Variants in MDM1 observed in about 807,000 individuals in gnomAD.
MDM1 encodes stabilizer of axonemal microtubules 6, also known as Mdm1 nuclear protein.
MDM1 carries 61 observed loss-of-function variants against 89.1 expected under a neutral mutation model. The ratio of observed to expected loss-of-function variants is 0.68; its 90% CI spans 0.56 to 0.85. MDM1 has a LOEUF of 0.85. Ranked by LOEUF, MDM1 falls within the 40% of genes least tolerant of loss-of-function variation. MDM1 has a pLI of 0.00. For missense variants in MDM1, 820 were observed against 846.5 expected (o/e 0.97, Z 0.39); for synonymous variants, 290 against 294.1 (o/e 0.99, Z 0.14).
At chr12:68,302,920 T>A (rs778254700) in intron 12 of MDM1, 48 bp from the exon 13 acceptor site, 2 of 1,481,804 alleles carry the variant, frequency 1.3e-6, no homozygotes, top group African/African-American at 1.4e-5. Flanking sequence ...TGTGTAGATA[T>A]GTAAATAAAT....
Position 68,302,594 on chromosome 12 carries a change from C to T in MDM1, c.2002+26G>A, listed in dbSNP as rs551531001. On this transcript the variant is annotated intron_variant, in intron 13 of 14. Coordinates refer to ENST00000682720, the MANE Select transcript of MDM1 (RefSeq NM_001354969.2). ...CAGCATAACACTTTATTTTAAAAGA[C>T]AAAAAATTAAAACCAAAATAATTAC... 20 of 1,587,418 alleles carry T rather than the reference C, an allele frequency of 1.3e-5. No individual in the cohort carries two copies. In the Admixed American group the frequency reaches 2.5e-4, roughly 20 times the overall value.
chr12:68,314,117 A>T (rs1432177448), intron 10 of MDM1, among the ~76,000 whole-genome samples: 1 of 149,528 alleles, frequency 6.7e-6, no homozygotes, highest in African/African-American at 2.5e-5. Flanking sequence ...AGCCTGGGTG[A>T]CAGAGCGAAA....
At chr12:68,314,005 C>T (rs1015520013) in intron 10 of MDM1, among the ~76,000 whole-genome samples, 1 of 151,880 alleles carries the variant, frequency 6.6e-6, no homozygotes, top group Non-Finnish European at 1.5e-5. Context: ...GGTGTGGTGG[C>T]GGGCACCTGT....
rs1410491090 is a variant in MDM1 at position 68,314,830 on chromosome 12, T to TA, written c.1529+117dup. 13 of 897,098 alleles carry TA rather than the reference T, an allele frequency of 1.4e-5. No homozygotes were observed. The African/African-American group carries it at 2.0e-4, about 14-fold the overall frequency. The allele number at this position is 897,098 out of a possible 1,614,324, so 55.6% of individuals were successfully genotyped here. A position where few individuals can be genotyped will look rare whatever the true frequency, so the allele number is the denominator to read the frequency against. On this transcript the variant is annotated intron_variant, in intron 10 of 14. Coordinates refer to ENST00000682720, the MANE Select transcript of MDM1 (RefSeq NM_001354969.2). Reference sequence around the variant, plus strand: ...CAGTGCCTCCTTTGTGACATTGAAATAAAATCTGCAATTTATTAGTCATAA... The same window carrying TA: ...CAGTGCCTCCTTTGTGACATTGAAATAAAAATCTGCAATTTATTAGTCATAA...
chr12:68,303,429 G>A (rs1259347249), intron 12 of MDM1, among the ~76,000 whole-genome samples: 1 of 152,084 alleles, frequency 6.6e-6, no homozygotes, highest in Non-Finnish European at 1.5e-5. Flanking sequence ...TTTCTGGGGG[G>A]CCGGCAAAAC....
intron 12 of MDM1, among the ~76,000 whole-genome samples, chr12:68,306,129 C>CT (rs1296937448): frequency 8.6e-5 from 13 of 152,024 alleles, no homozygotes. Flanking sequence ...GCTATCTGAT[C>CT]TTTAACAAAG....
chr12:68,296,483 C>T (rs943235848), intron 14 of MDM1, among the ~76,000 whole-genome samples: 1 of 152,122 alleles, frequency 6.6e-6, no homozygotes, highest in Non-Finnish European at 1.5e-5. Context: ...GGCGACAGAG[C>T]GAGACTCCGT....
intron 12 of MDM1, among the ~76,000 whole-genome samples, chr12:68,303,318 A>G (rs960726950): frequency 1.3e-5 from 2 of 152,222 alleles, no homozygotes; most frequent in Non-Finnish European, 2.9e-5. Context: ...TTTTTCACGT[A>G]CCAAATTTCA....
At chr12:68,304,472 C>G (rs904281225) in intron 12 of MDM1, among the ~76,000 whole-genome samples, 2 of 152,128 alleles carry the variant, frequency 1.3e-5, no homozygotes, top group African/African-American at 4.8e-5. Context: ...TAGTCTCAAC[C>G]AATAAACATA....
At chr12:68,315,548 C>T (rs1472776993) in intron 9 of MDM1, among the ~76,000 whole-genome samples, 1 of 152,198 alleles carries the variant, frequency 6.6e-6, no homozygotes. Context: ...CAAGTCATAC[C>T]TAGCCCTAAA....
intron 4 of MDM1, 104 bp downstream of exon 4, chr12:68,325,337 A>G: frequency 7.3e-7 from 1 of 1,378,382 alleles, no homozygotes; most frequent in African/African-American, 1.5e-5. Context: ...ACCTACCTCC[A>G]GGCTACTTAA....
In MDM1 at chr12:68,304,092, C is replaced by G. The variant is rs117849181; in HGVS notation, c.1750-1220G>C. ...GCATCACTGCACTCCAGCCAGGAAA[C>G]GGAGAGAGACTGTCTCAAAAAATAA... On this transcript the variant is annotated intron_variant, in intron 12 of 14. Transcript: ENST00000682720. 9.4e-3 allele frequency among the ~76,000 whole-genome samples: 1,431 copies of G among 151,964 alleles called. 16 individuals carry two copies. Among genetic ancestry groups the G allele is most frequent in the Non-Finnish European group, 0.014 (975 of 67,964 alleles).
In MDM1 at chr12:68,327,649, AG is replaced by A. The variant is rs534251155; in HGVS notation, c.134-629del. 585 of 769,446 alleles carry A rather than the reference AG, an allele frequency of 7.6e-4. 4 individuals are homozygous for A. The South Asian group carries it at 9.4e-3, about 12-fold the overall frequency. The allele number at this position is 769,446 out of a possible 1,614,324, so 47.7% of individuals were successfully genotyped here. ...GCTCTGCAGAATGACAGCCACTGAG[AG>A]ACTGCCCTAGTTTAGGGCCATTCTT... On this transcript the variant is annotated intron_variant, in intron 2 of 14. Coordinates refer to ENST00000682720, the MANE Select transcript of MDM1 (RefSeq NM_001354969.2).
At chr12:68,302,246 C>G (rs1872264233) in intron 13 of MDM1, among the ~76,000 whole-genome samples, 1 of 152,136 alleles carries the variant, frequency 6.6e-6, no homozygotes, top group South Asian at 2.1e-4. Flanking sequence ...CTGAGCAATG[C>G]CTACTAACAC....
At chr12:68,331,363 C>T in intron 1 of MDM1, 142 bp from the exon 2 acceptor site, 2 of 645,496 alleles carry the variant, frequency 3.1e-6, no homozygotes, top group South Asian at 3.6e-5. Context: ...TTAATAAGAG[C>T]TAATATTCAC....
In MDM1 at chr12:68,330,843, T is replaced by C. The variant is rs1876691448; in HGVS notation, c.133+264A>G. The C allele has an allele frequency of 3.7e-5, 15 of 406,440 alleles. No individual in the cohort carries two copies. In the East Asian group the frequency reaches 6.0e-4, roughly 16 times the overall value. 25.2% of individuals were successfully genotyped at this position (406,440 alleles called of 1,614,324 possible). A position where few individuals can be genotyped will look rare whatever the true frequency, so the allele number is the denominator to read the frequency against. ...AGCTTTCAATATTTAACTTAACCGC[T>C]CAGTCAGTACCGAAACAGTTGTGAT... is the stretch of plus-strand genomic sequence containing the variant. On this transcript the variant is annotated intron_variant, in intron 2 of 14. Transcript: ENST00000682720.
intron 7 of MDM1, among the ~76,000 whole-genome samples, chr12:68,317,402 T>C (rs1258331216): frequency 1.3e-5 from 2 of 151,846 alleles, no homozygotes; most frequent in Non-Finnish European, 2.9e-5. Context: ...TTGCTTTTCT[T>C]TCAGGGCAAA....
intron 2 of MDM1, chr12:68,327,370 TG>T: frequency 2.6e-6 from 4 of 1,532,154 alleles, no homozygotes; most frequent in Non-Finnish European, 3.5e-6. Flanking sequence ...TACTTTCCTG[TG>T]CTACTTAACA....
intron 12 of MDM1, among the ~76,000 whole-genome samples, chr12:68,312,299 G>A (rs1350532698): frequency 6.6e-6 from 1 of 152,146 alleles, no homozygotes; most frequent in Non-Finnish European, 1.5e-5. Flanking sequence ...CAAATTTAGA[G>A]TGTCCAGAAC....
Sources: gnomAD v4.1 joint callset for allele counts (sites outside exome capture counted in the v4.1 genomes callset) on GRCh38, gnomAD v4.1.1 for gene constraint, MANE v1.5 for transcripts, NCBI Gene and HGNC (gene_info 2026-07-23, HGNC 2026-07-21) for gene names.